Variants in SPG11 observed in about 807,000 individuals in gnomAD.
SPG11 encodes the protein SPG11 vesicle trafficking associated, spatacsin.
SPG11 carries 222 observed loss-of-function variants against 274.0 expected under a neutral mutation model. The observed-to-expected ratio is 0.81, with a 90% CI of 0.73 to 0.91. SPG11 has a LOEUF of 0.91. SPG11 is among the 40% of genes least tolerant of loss of function. The probability of loss-of-function intolerance (pLI) is 0.00; values close to 1 mark genes in which losing one functional copy is unlikely to be tolerated. For missense variants in SPG11, 3,114 were observed against 2,872.7 expected (o/e 1.08, Z -1.92); for synonymous variants, 1,144 against 1,039.7 (o/e 1.10, Z -1.93).
chr15:44,589,732 CTTAG>C (rs370625613), intron 27 of SPG11, among the ~76,000 whole-genome samples: 1 of 152,356 alleles, frequency 6.6e-6, no homozygotes, highest in East Asian at 1.9e-4. Context: ...AATATTCCTA[CTTAG>C]TGACTGTCAA....
At chr15:44,622,469 G>A in intron 12 of SPG11, 122 bp from the exon 13 acceptor site, 1 of 851,778 alleles carries the variant, frequency 1.2e-6, no homozygotes, top group Non-Finnish European at 1.8e-6. Flanking sequence ...AAAGTCATGA[G>A]ATAATATGCC....
chr15:44,564,466 C>T, intron 39 of SPG11, 81 bp downstream of exon 39: 1 of 1,424,830 alleles, frequency 7.0e-7, no homozygotes, highest in Non-Finnish European at 9.8e-7. Context: ...GCATGGTGTA[C>T]TTAGCCATAA....
intron 28 of SPG11, among the ~76,000 whole-genome samples, chr15:44,588,117 T>A (rs575998759): frequency 3.3e-5 from 5 of 152,122 alleles, no homozygotes; most frequent in African/African-American, 1.2e-4. Flanking sequence ...CATCTGTGAG[T>A]TTAAATGTGA....
intron 10 of SPG11, 105 bp downstream of exon 10, chr15:44,628,564 A>C: frequency 9.0e-7 from 1 of 1,114,278 alleles, no homozygotes; most frequent in Non-Finnish European, 1.4e-6. Flanking sequence ...TTTGCCAAAC[A>C]TTCTGAATCA....
rs908048525 is a variant in SPG11, at chr15:44,604,931, C to CAAA, written c.3520+1091_3520+1093dup. Among the ~76,000 whole-genome samples the CAAA allele has an allele frequency of 3.0e-3, 67 of 22,492 alleles. 5 individuals carry two copies. The highest frequency in any genetic ancestry group is 0.024 in the Middle Eastern group (1 of 42). 14.8% of individuals were successfully genotyped at this position (22,492 alleles called of 152,430 possible). ...CCTGGGCGGAACAAGACTCCATCTCCAAAAAAAAAAAAAAAAAAAAAAAAA... is the reference window on the plus strand; with the variant it reads ...CCTGGGCGGAACAAGACTCCATCTCCAAAAAAAAAAAAAAAAAAAAAAAAAAAA... On this transcript the variant is annotated intron_variant, in intron 20 of 39. Coordinates refer to ENST00000261866, the MANE Select transcript of SPG11 (RefSeq NM_025137.4).
chr15:44,659,017 C>G, intron 3 of SPG11, 62 bp downstream of exon 3: 3 of 1,512,316 alleles, frequency 2.0e-6, no homozygotes, highest in Non-Finnish European at 2.8e-6. Flanking sequence ...CCTAAAAAGG[C>G]TCATCTTTAT....
At position 44,613,472 on chromosome 15, in the gene SPG11, C is replaced by A; in HGVS notation, c.3103G>T (p.Glu1035Ter). Reference sequence around the variant, plus strand: ...ACTTGTCGACACTGAACTAAAAATTCAAACCAAGGGTGTGCTTCATGTAAC... The same window carrying A: ...ACTTGTCGACACTGAACTAAAAATTAAAACCAAGGGTGTGCTTCATGTAAC... ...KELHEAHPWFEFLVQCRQVAS... is the reference protein window; with the variant it reads ...KELHEAHPWF The change falls in exon 17 of 40, where the codon GAA becomes TAA. Residue 1035 changes from glutamate (E) to a stop codon, truncating the protein, a stop_gained. Coordinates refer to ENST00000261866, the MANE Select transcript of SPG11 (RefSeq NM_025137.4). LOFTEE classifies it high-confidence loss of function. 3 of 1,613,902 alleles carry A rather than the reference C, an allele frequency of 1.9e-6. No individual in the cohort carries two copies. In the South Asian group the frequency reaches 3.3e-5, roughly 18 times the overall value.
At chr15:44,639,276 T>TACACAC (rs71111873) in intron 7 of SPG11, among the ~76,000 whole-genome samples, 133 of 138,362 alleles carry the variant, frequency 9.6e-4, no homozygotes, top group African/African-American at 2.3e-3. Flanking sequence ...CACAAAGAGA[T>TACACAC]ACACACACAC....
At chr15:44,566,420 G>T in intron 36 of SPG11, 115 bp from the exon 37 acceptor site, 1 of 1,004,042 alleles carries the variant, frequency 1.0e-6, no homozygotes, top group Non-Finnish European at 1.5e-6. Context: ...TCACAGGCAG[G>T]CAGGAACACC....
chr15:44,630,534 G>T (rs924683828), intron 8 of SPG11, among the ~76,000 whole-genome samples: 2 of 152,184 alleles, frequency 1.3e-5, no homozygotes, highest in African/African-American at 4.8e-5. Context: ...GGCAATTCAA[G>T]AAAGAGGAGA....
chr15:44,642,199 C>T (rs1421718842), intron 7 of SPG11, among the ~76,000 whole-genome samples: 2 of 150,814 alleles, frequency 1.3e-5, no homozygotes, highest in African/African-American at 4.9e-5. Context: ...AACCCCATCT[C>T]TACTAAAATA....
intron 23 of SPG11, 143 bp from the exon 24 acceptor site, chr15:44,597,086 A>G (rs2083063065): frequency 7.4e-6 from 5 of 673,606 alleles, no homozygotes; most frequent in Non-Finnish European, 1.2e-5. Context: ...AATATTTATT[A>G]GGCTACTTTG....
intron 28 of SPG11, among the ~76,000 whole-genome samples, chr15:44,587,070 C>T (rs1405941806): frequency 6.6e-6 from 1 of 152,224 alleles, no homozygotes; most frequent in African/African-American, 2.4e-5. Flanking sequence ...CAGTGGCTCA[C>T]GCCTATATTC....
intron 7 of SPG11, among the ~76,000 whole-genome samples, chr15:44,648,063 A>C (rs1595922212): frequency 1.3e-5 from 2 of 152,316 alleles, no homozygotes; most frequent in Non-Finnish European, 2.9e-5. Flanking sequence ...TGAAAGCCTA[A>C]GTTTCTTCAT....
chr15:44,605,015 GT>G (rs2083286337), intron 20 of SPG11, among the ~76,000 whole-genome samples: 1 of 135,632 alleles, frequency 7.4e-6, no homozygotes, highest in Non-Finnish European at 1.6e-5. Flanking sequence ...CCTCAAGTAT[GT>G]TTTAAACTTC....
intron 1 of SPG11, among the ~76,000 whole-genome samples, chr15:44,663,173 G>C (rs764270456): frequency 4.6e-5 from 7 of 152,262 alleles, no homozygotes; most frequent in Non-Finnish European, 1.0e-4. Flanking sequence ...CGGAACAGGA[G>C]AGCTGGGCTG....
chr15:44,575,686 A>G (rs562344139), intron 30 of SPG11, among the ~76,000 whole-genome samples: 13 of 151,936 alleles, frequency 8.6e-5, no homozygotes, highest in Admixed American at 3.9e-4. Flanking sequence ...GTTGAGATGA[A>G]GTTTTGCCAT....
rs77051719 is a variant in SPG11, at chr15:44,629,531, C to T, written c.1736-143G>A. ...TTTTCAAAAAGCTCACAAAACTTTT[C>T]TGCAGGCTTATTACCTGCAAACTTT... On this transcript the variant is annotated intron_variant, in intron 8 of 39. Transcript: ENST00000261866. 8.4e-3 allele frequency: 7,309 copies of T among 870,586 alleles called. 386 individuals are homozygous for T. In the African/African-American group the frequency reaches 0.11, roughly 13 times the overall value. The allele number at this position is 870,586 out of a possible 1,614,324, so 53.9% of individuals were successfully genotyped here.
rs1416353070 is a variant in SPG11, at chr15:44,651,815, T to C, written c.1132A>G (p.Ser378Gly). Residue 378 changes from serine (S) to glycine (G), a missense_variant, in exon 6 of 40, where the codon AGT becomes GGT. Ser to Gly is a moderately conservative substitution (Grantham distance 56). Coordinates refer to ENST00000261866, the MANE Select transcript of SPG11 (RefSeq NM_025137.4). ...AAGGCCCAGCTCTGCACACTTGTACTGTGGTTACCAGATTCAGGTGACTCC... is the reference window on the plus strand; with the variant it reads ...AAGGCCCAGCTCTGCACACTTGTACCGTGGTTACCAGATTCAGGTGACTCC... ...HLESPESGNH[S>G]TSVQSWAFIP... 6.2e-7 allele frequency: 1 copy of C among 1,614,194 alleles called. No homozygotes were observed.
Sources: allele counts gnomAD v4.1 joint callset (sites outside exome capture counted in the v4.1 genomes callset), GRCh38; gene constraint gnomAD v4.1.1; transcripts MANE v1.5; gene names NCBI Gene and HGNC (gene_info 2026-07-23, HGNC 2026-07-21).